The following CAST variants were observed in gnomAD, a reference collection of about 807,000 sequenced individuals.
CAST encodes MIR583 host.
CAST carries 76 observed loss-of-function variants against 119.6 expected under a neutral mutation model. The observed-to-expected ratio is 0.64, with a 90% CI of 0.53 to 0.77. The LOEUF is 0.77. Ranked by LOEUF, CAST falls within the 30% of genes least tolerant of loss-of-function variation. The pLI is 0.00. For missense variants in CAST, 953 were observed against 946.5 expected, an observed-to-expected ratio of 1.01 and a Z score of -0.09; for synonymous variants, 319 against 331.6, an observed-to-expected ratio of 0.96 and a Z score of 0.41.
chr5:95,962,712 G>T, the CAST span, among the ~76,000 whole-genome samples: 1 of 152,066 alleles, frequency 6.6e-6, no homozygotes, highest in Admixed American at 6.6e-5. Flanking sequence ...ACAACTGGTG[G>T]GGATGATATC....
chr5:96,002,838 A>G, the CAST span, among the ~76,000 whole-genome samples: 1 of 152,274 alleles, frequency 6.6e-6, no homozygotes, highest in African/African-American at 2.4e-5. Flanking sequence ...TTTTTGAAAC[A>G]ATCTCAAATA....
At chr5:96,429,445 A>AT in the CAST span, 52 of 634,496 alleles carry the variant, frequency 8.2e-5, no homozygotes, top group East Asian at 3.1e-4. Context: ...TGAAATTAAT[A>AT]TTTTTTTTCT....
chr5:96,145,513 G>A, the CAST span, among the ~76,000 whole-genome samples: 1 of 152,114 alleles, frequency 6.6e-6, no homozygotes, highest in South Asian at 2.1e-4. Flanking sequence ...CCAGAGCCAA[G>A]GTTGGAGAAA....
chr5:96,450,636 T>C, the CAST span, among the ~76,000 whole-genome samples: 1 of 152,230 alleles, frequency 6.6e-6, no homozygotes, highest in Non-Finnish European at 1.5e-5. Context: ...AGGCTAGATA[T>C]ACAATTCCAC....
intron 29 of CAST, chr5:96,768,399 C>T (rs1055050895): frequency 2.2e-5 from 10 of 456,534 alleles, no homozygotes; most frequent in African/African-American, 4.0e-5. Flanking sequence ...AATTTTTAAA[C>T]TGTAGAATGA....
chr5:96,312,753 CAT>C, the CAST span, among the ~76,000 whole-genome samples: 1 of 152,070 alleles, frequency 6.6e-6, no homozygotes, highest in Non-Finnish European at 1.5e-5. Context: ...TGCTCAAAAA[CAT>C]AGTTACTTGC....
At chr5:96,746,515 T>G in intron 17 of CAST, 90 bp downstream of exon 17, 1 of 819,476 alleles carries the variant, frequency 1.2e-6, no homozygotes, top group East Asian at 2.4e-5. Flanking sequence ...TCAAAGGACA[T>G]GTCTGTCCCC....
the CAST span, among the ~76,000 whole-genome samples, chr5:96,366,710 A>G: frequency 1.3e-5 from 2 of 152,162 alleles, no homozygotes; most frequent in African/African-American, 4.8e-5. Flanking sequence ...TACACTGATT[A>G]TTCTAGTTAG....
chr5:96,478,010 T>C, the CAST span, among the ~76,000 whole-genome samples: 1 of 152,212 alleles, frequency 6.6e-6, no homozygotes, highest in Admixed American at 6.5e-5. Flanking sequence ...ACATGGCTAA[T>C]TTAAGCATTT....
intron 1 of CAST, among the ~76,000 whole-genome samples, chr5:96,636,439 A>G (rs1474141207): frequency 2.0e-5 from 3 of 152,104 alleles, no homozygotes; most frequent in Non-Finnish European, 4.4e-5. Flanking sequence ...TTTCCCATCT[A>G]TGTCCAAAGC....
chr5:96,722,500 T>A, intron 3 of CAST, 139 bp from the exon 4 acceptor site: 1 of 647,496 alleles, frequency 1.5e-6, no homozygotes, highest in Non-Finnish European at 2.8e-6. Context: ...GGACACCACC[T>A]CCTACTAGAT....
At chr5:96,680,874 A>C (rs1751323700) in intron 2 of CAST, among the ~76,000 whole-genome samples, 1 of 152,242 alleles carries the variant, frequency 6.6e-6, no homozygotes, top group Non-Finnish European at 1.5e-5. Flanking sequence ...AAGAGAGTTC[A>C]TACTAGTTGT....
the CAST span, among the ~76,000 whole-genome samples, chr5:96,168,269 G>T: frequency 6.6e-6 from 1 of 152,178 alleles, no homozygotes; most frequent in African/African-American, 2.4e-5. Flanking sequence ...TGAGCAATGG[G>T]ATCTGATGCC....
the CAST span, chr5:96,411,049 A>C: frequency 8.7e-7 from 1 of 1,151,966 alleles, no homozygotes; most frequent in East Asian, 2.3e-5. Flanking sequence ...GTTATATCCC[A>C]ATAAAATCCC....
chr5:96,556,140 G>A (rs1335729570), intron 1 of CAST, among the ~76,000 whole-genome samples: 5 of 152,224 alleles, frequency 3.3e-5, no homozygotes, highest in Admixed American at 3.3e-4. Flanking sequence ...CAGACCTGCA[G>A]CTGAGGGTCC....
chr5:96,365,575 G>T, the CAST span, among the ~76,000 whole-genome samples: 2 of 152,154 alleles, frequency 1.3e-5, no homozygotes, highest in Admixed American at 1.3e-4. Flanking sequence ...TTACCATTAT[G>T]TAATGGCCTT....
chr5:96,313,267 T>C, the CAST span, among the ~76,000 whole-genome samples: 4 of 152,162 alleles, frequency 2.6e-5, no homozygotes, highest in African/African-American at 7.2e-5. Flanking sequence ...GGCAAATTTA[T>C]ACAGTCAGGT....
the CAST span, among the ~76,000 whole-genome samples, chr5:96,076,960 T>C: frequency 6.6e-6 from 1 of 150,970 alleles, no homozygotes; most frequent in Non-Finnish European, 1.5e-5. Context: ...ATAGATTTTA[T>C]AATATTTATA....
intron 1 of CAST, among the ~76,000 whole-genome samples, chr5:96,654,518 T>C (rs1398716411): frequency 2.6e-5 from 4 of 152,212 alleles, no homozygotes; most frequent in Non-Finnish European, 5.9e-5. Flanking sequence ...TTTTCTCCGA[T>C]GTTATATTTT....
Sources: allele counts gnomAD v4.1 joint callset (sites outside exome capture counted in the v4.1 genomes callset), GRCh38; gene constraint gnomAD v4.1.1; transcripts MANE v1.5; gene names NCBI Gene and HGNC (gene_info 2026-07-23, HGNC 2026-07-21).